GCFC2: variants seen among roughly 807,000 people sequenced by gnomAD.
The protein encoded by GCFC2 is GC-rich sequence DNA-binding factor 2.
GCFC2 carries 102 observed loss-of-function variants against 99.4 expected under a neutral mutation model. The ratio of observed to expected loss-of-function variants is 1.03; its 90% CI spans 0.87 to 1.21. GCFC2 has a LOEUF of 1.21. Among genes scored for constraint, GCFC2 ranks in the 50% most tolerant of loss-of-function variants. The pLI is 0.00. For missense variants in GCFC2, 973 were observed against 920.9 expected (o/e 1.06, Z -0.73); for synonymous variants, 338 against 316.8 (o/e 1.07, Z -0.71).
At chr2:75,680,885 T>G (rs1199543428) in intron 11 of GCFC2, among the ~76,000 whole-genome samples, 1 of 152,176 alleles carries the variant, frequency 6.6e-6, no homozygotes, top group East Asian at 1.9e-4. Flanking sequence ...CACACCTACC[T>G]ACATCTGTGC....
At chr2:75,704,992 T>C (rs868441087) in intron 2 of GCFC2, among the ~76,000 whole-genome samples, 1 of 152,214 alleles carries the variant, frequency 6.6e-6, no homozygotes, top group African/African-American at 2.4e-5. Context: ...TATAGTAGCA[T>C]TGTTTGGTAC....
At chr2:75,674,359 T>A (rs184414152) in intron 12 of GCFC2, among the ~76,000 whole-genome samples, 1 of 152,340 alleles carries the variant, frequency 6.6e-6, no homozygotes, top group Admixed American at 6.5e-5. Context: ...TTTAAGGAGA[T>A]GTTACATCGC....
At position 75,689,033 on chromosome 2, in the gene GCFC2, G is replaced by C; in HGVS notation, c.1532C>G (p.Pro511Arg). The change falls in exon 10 of 17, where the codon CCT becomes CGT. Residue 511 changes from proline to arginine, a missense_variant. Transcript: ENST00000321027. ...TATGTTAAGCATAAATACCTTAAGA[G>C]GATTCCAATCAATCAACTGAACTCG... Reference protein sequence around the residue: ...LIRVQLIDWNPLKLESTGLKE... With the variant: ...LIRVQLIDWNRLKLESTGLKE... 6.6e-7 allele frequency: 1 copy of C among 1,521,246 alleles called. No homozygotes were observed. The highest frequency in any genetic ancestry group is 9.0e-7 in the Non-Finnish European group (1 of 1,105,448). The allele number at this position is 1,521,246 out of a possible 1,614,324, so 94.2% of individuals were successfully genotyped here.
chr2:75,671,963 C>T lies in GCFC2; in HGVS notation c.1943G>A (p.Trp648Ter). 1.3e-6 allele frequency: 2 copies of T among 1,583,058 alleles called. No homozygotes were observed. The highest frequency in any genetic ancestry group is 1.7e-6 in the Non-Finnish European group (2 of 1,153,912). The change falls in exon 14 of 17, where the codon TGG becomes TAG. Residue 648 changes from tryptophan to a stop codon, truncating the protein, a stop_gained. Coordinates refer to ENST00000321027, the MANE Select transcript of GCFC2 (RefSeq NM_003203.5). LOFTEE classifies it high-confidence loss of function. ...PHSKFQERQF[W>*]SGLKLFRNIL... ...GTTTTTGCTCACCTTTAGGCCTGAC[C>T]AGAACTGTCTTTCTTGGAACTTTGA...
At chr2:75,673,574 C>CAAA in intron 12 of GCFC2, 54 bp from the exon 13 acceptor site, 1 of 738,918 alleles carries the variant, frequency 1.4e-6, no homozygotes, top group Non-Finnish European at 2.4e-6. Flanking sequence ...ATGTATTTAC[C>CAAA]AAAAAAAAAG....
At chr2:75,685,074 G>A (rs1456708656) in intron 11 of GCFC2, among the ~76,000 whole-genome samples, 1 of 152,156 alleles carries the variant, frequency 6.6e-6, no homozygotes, top group African/African-American at 2.4e-5. Context: ...TCAGGGGACT[G>A]GGGTGGGATA....
chr2:75,703,315 A>G (rs139227596), intron 2 of GCFC2, among the ~76,000 whole-genome samples: 12 of 152,340 alleles, frequency 7.9e-5, no homozygotes, highest in Non-Finnish European at 1.5e-4. Flanking sequence ...GAAATTTTCT[A>G]AACTTTCCCA....
In GCFC2 at chr2:75,710,562, TC is replaced by T. The variant is rs1198894592; in HGVS notation, c.265+28del. 4.7e-6 allele frequency: 7 copies of T among 1,474,766 alleles called. No individual in the cohort carries two copies. In the East Asian group the frequency reaches 1.9e-4, roughly 40 times the overall value. 91.4% of individuals were successfully genotyped at this position (1,474,766 alleles called of 1,614,324 possible). On this transcript the variant is annotated intron_variant, in intron 1 of 16. Transcript: ENST00000321027. The stretch of plus-strand genomic sequence containing the variant: ...CCCCTTCCCGCCCTGTGCCGTCACC[TC>T]CCCGCTTCCCCGCGTCTCCCTGGAC...
Position 75,663,193 on chromosome 2 carries a change from T to C in GCFC2, c.*1473A>G, listed in dbSNP as rs955573748. On this transcript the variant is annotated 3_prime_UTR_variant, in exon 17 of 17. Coordinates refer to ENST00000321027, the MANE Select transcript of GCFC2 (RefSeq NM_003203.5). The stretch of plus-strand genomic sequence containing the variant: ...AACAAATCCAACTCCTAAAATAAAT[T>C]ATATGTAGTTTTGAAGGTAGAGGTG... 3.3e-5 allele frequency: 5 copies of C among 152,166 alleles called. No homozygotes were observed. The highest frequency in any genetic ancestry group is 7.4e-5 in the Non-Finnish European group (5 of 68,014). 9.4% of individuals were successfully genotyped at this position (152,166 alleles called of 1,614,324 possible).
At chr2:75,690,886 CTT>C (rs1202477752) in intron 7 of GCFC2, 167 bp from the exon 8 acceptor site, 3 of 514,290 alleles carry the variant, frequency 5.8e-6, no homozygotes, top group Admixed American at 3.9e-5. Context: ...AATGTTAACT[CTT>C]TATTGCAATA....
intron 16 of GCFC2, among the ~76,000 whole-genome samples, chr2:75,665,387 C>T (rs1678791116): frequency 6.6e-6 from 1 of 152,142 alleles, no homozygotes; most frequent in Non-Finnish European, 1.5e-5. Context: ...CTCCTGGGCT[C>T]AAGTGATCCT....
At chr2:75,712,259 C>T (rs1021604859), upstream of GCFC2, among the ~76,000 whole-genome samples, 4 of 116,410 alleles carry the variant, frequency 3.4e-5, no homozygotes, top group Non-Finnish European at 6.4e-5. Context: ...AAACACCAAT[C>T]GGCACTCTGT....
chr2:75,692,562 G>A (rs1264533693), intron 6 of GCFC2, among the ~76,000 whole-genome samples: 2 of 151,774 alleles, frequency 1.3e-5, no homozygotes, highest in East Asian at 1.9e-4. Flanking sequence ...CAGGAGAATC[G>A]CTTGAACTCT....
At chr2:75,672,702 C>T (rs1464660513) in intron 13 of GCFC2, among the ~76,000 whole-genome samples, 1 of 152,180 alleles carries the variant, frequency 6.6e-6, no homozygotes, top group Non-Finnish European at 1.5e-5. Flanking sequence ...TGTGCTTCCT[C>T]TGTGCTAGGC....
In GCFC2 at chr2:75,667,214, CT is replaced by C. The variant is rs563760806; in HGVS notation, c.2104-1162del. Reference sequence around the variant, plus strand: ...GTTTCTCCAGTTTTTTAATGTTTAGCTTACACTTTCATTAACGTTATAGTAA... The same window carrying C: ...GTTTCTCCAGTTTTTTAATGTTTAGCTACACTTTCATTAACGTTATAGTAA... On this transcript the variant is annotated intron_variant, in intron 15 of 16. Transcript: ENST00000321027. Among the ~76,000 whole-genome samples, 64 of 152,200 alleles carry C rather than the reference CT, an allele frequency of 4.2e-4. 1 individual carries two copies. In the East Asian group the frequency reaches 0.012, roughly 28 times the overall value.
In GCFC2 at chr2:75,694,240, C is replaced by T. The variant is rs199686066; in HGVS notation, c.1020+1G>A. 76 of 803,958 alleles carry T rather than the reference C, an allele frequency of 9.5e-5. 1 individual carries two copies. In the East Asian group the frequency reaches 1.8e-3, roughly 19 times the overall value. 49.8% of individuals were successfully genotyped at this position (803,958 alleles called of 1,614,324 possible). On this transcript the variant is annotated splice_donor_variant, in intron 6 of 16. Transcript: ENST00000321027. LOFTEE classifies it high-confidence loss of function. Reference sequence around the variant, plus strand: ...TGATATAAATAAATATTGATATGTACCTTTTCATTAAGGCAGTCAATTAAA... The same window carrying T: ...TGATATAAATAAATATTGATATGTATCTTTTCATTAAGGCAGTCAATTAAA...
At chr2:75,692,878 A>G (rs1680148681) in intron 6 of GCFC2, among the ~76,000 whole-genome samples, 1 of 152,154 alleles carries the variant, frequency 6.6e-6, no homozygotes, top group Non-Finnish European at 1.5e-5. Flanking sequence ...GTGATGTGAT[A>G]CAGAAATGAG....
At chr2:75,671,842 A>G (rs1257541934) in intron 14 of GCFC2, 108 bp downstream of exon 14, 3 of 488,148 alleles carry the variant, frequency 6.1e-6, no homozygotes, top group Non-Finnish European at 1.2e-5. Flanking sequence ...GTGACCACAA[A>G]GCCTAAAATA....
At position 75,680,196 on chromosome 2, in the gene GCFC2, T is replaced by G; in HGVS notation, c.1809A>C (p.Arg603Ser). 1 of 1,600,434 alleles carries G rather than the reference T, an allele frequency of 6.2e-7. No individual in the cohort carries two copies. The highest frequency in any genetic ancestry group is 8.6e-7 in the Non-Finnish European group (1 of 1,168,302). ...STCENEVSKS[R>S]QDLLKSIVSR... Reference sequence around the variant, plus strand: ...TCGCAACTCTAGAAATTATTACCTGTCTGCTTTTACTAACTTCATTTTCAC... The same window carrying G: ...TCGCAACTCTAGAAATTATTACCTGGCTGCTTTTACTAACTTCATTTTCAC... Residue 603 changes from arginine to serine, a missense_variant, in exon 12 of 17, where the codon AGA becomes AGC. Transcript: ENST00000321027.
Sources: gnomAD v4.1 joint callset for allele counts (sites outside exome capture counted in the v4.1 genomes callset) on GRCh38, gnomAD v4.1.1 for gene constraint, MANE v1.5 for transcripts, NCBI Gene and HGNC (gene_info 2026-07-23, HGNC 2026-07-21) for gene names.